The following MRE11 variants were observed in gnomAD, a reference collection of about 807,000 sequenced individuals.
MRE11 encodes the protein MRE11 double strand break repair nuclease, also known as double-strand break repair protein MRE11.
In MRE11, 62 loss-of-function variants were observed where a neutral mutation model predicts 91.7. The ratio of observed to expected loss-of-function variants is 0.68; its 90% CI spans 0.55 to 0.84. The LOEUF (loss-of-function observed/expected upper bound fraction) is 0.84, where lower values mean the gene tolerates loss of function less well. Among genes scored for constraint, MRE11 ranks in the 40% least tolerant of loss-of-function variants. The pLI is 0.00. For missense variants in MRE11, 796 were observed against 852.9 expected (o/e 0.93, Z 0.83); for synonymous variants, 273 against 271.4 (o/e 1.01, Z -0.06).
intron 12 of MRE11, among the ~76,000 whole-genome samples, chr11:94,459,948 G>C (rs1946372320): frequency 6.6e-6 from 1 of 152,308 alleles, no homozygotes; most frequent in African/African-American, 2.4e-5. Flanking sequence ...CTAATCAGCT[G>C]TCTGTAAAAT....
intron 3 of MRE11, among the ~76,000 whole-genome samples, chr11:94,487,353 C>A (rs74611001): frequency 0.015 from 2,242 of 152,310 alleles, 29 homozygotes; most frequent in South Asian, 0.023. Flanking sequence ...GAACACGACT[C>A]ACTTCTGTGG....
chr11:94,490,977 A>G lies in MRE11; in HGVS notation c.21-12T>C. The G allele has an allele frequency of 7.5e-7, 1 of 1,340,642 alleles. No homozygotes were observed. Among genetic ancestry groups the G allele is most frequent in the Non-Finnish European group, 1.1e-6 (1 of 943,000 alleles). The allele number at this position is 1,340,642 out of a possible 1,614,324, so 83.0% of individuals were successfully genotyped here. A position where few individuals can be genotyped will look rare whatever the true frequency, so the allele number is the denominator to read the frequency against. On this transcript the variant is annotated splice_polypyrimidine_tract_variant and intron_variant, in intron 2 of 19. Coordinates refer to ENST00000323929, the MANE Select transcript of MRE11 (RefSeq NM_005591.4). Reference sequence around the variant, plus strand: ...TGTTTTCATCATCACTATATTAAGAAAGAAGAAACATTTCAATATATTAAT... The same window carrying G: ...TGTTTTCATCATCACTATATTAAGAGAGAAGAAACATTTCAATATATTAAT...
At chr11:94,455,954 G>A (rs1946238324) in intron 14 of MRE11, among the ~76,000 whole-genome samples, 1 of 152,048 alleles carries the variant, frequency 6.6e-6, no homozygotes, top group Non-Finnish European at 1.5e-5. Flanking sequence ...GAGTGTGGTG[G>A]TGCAGCCATA....
intron 2 of MRE11, among the ~76,000 whole-genome samples, chr11:94,492,010 T>C (rs764777412): frequency 2.0e-5 from 3 of 152,228 alleles, no homozygotes; most frequent in Non-Finnish European, 4.4e-5. Flanking sequence ...ATTATTCCAA[T>C]TATACCAATG....
chr11:94,466,520 T>C (rs1323030668), intron 10 of MRE11: 2 of 530,996 alleles, frequency 3.8e-6, no homozygotes, highest in African/African-American at 1.9e-5. Context: ...CACAAGTAAC[T>C]GCAGTTTTTG....
intron 7 of MRE11, 71 bp from the exon 8 acceptor site, chr11:94,471,830 T>C: frequency 2.5e-6 from 3 of 1,200,130 alleles, no homozygotes; most frequent in Non-Finnish European, 3.6e-6. Flanking sequence ...TCTATACAGA[T>C]CTTTCTTTCT....
chr11:94,491,013 A>G (rs1201361565), intron 2 of MRE11, 48 bp from the exon 3 acceptor site: 1 of 1,113,546 alleles, frequency 9.0e-7, no homozygotes, highest in African/African-American at 1.6e-5. Flanking sequence ...AATTCATTAA[A>G]GGATATTCAA....
intron 19 of MRE11, among the ~76,000 whole-genome samples, chr11:94,427,677 G>A (rs1443879684): frequency 6.6e-6 from 1 of 151,342 alleles, no homozygotes; most frequent in African/African-American, 2.4e-5. Context: ...ACTGATAAAC[G>A]ACTTCAGCAA....
At chr11:94,473,611 C>T (rs761395622) in intron 7 of MRE11, 1 of 151,968 alleles carries the variant, frequency 6.6e-6, no homozygotes, top group Non-Finnish European at 1.5e-5. Context: ...CACAGGGTGA[C>T]AAATGAATCT....
intron 10 of MRE11, 64 bp downstream of exon 10, chr11:94,467,749 T>C (rs1946602496): frequency 1.4e-6 from 2 of 1,393,398 alleles, no homozygotes; most frequent in South Asian, 2.4e-5. Context: ...AAAGAAACCA[T>C]GTAAACTGTA....
chr11:94,491,009 T>A (rs773004031), intron 2 of MRE11, 44 bp from the exon 3 acceptor site: 5 of 1,121,450 alleles, frequency 4.5e-6, no homozygotes, highest in Non-Finnish European at 2.6e-6. Flanking sequence ...TAATAATTCA[T>A]TAAAGGATAT....
At chr11:94,449,555 C>T (rs1158005682) in intron 14 of MRE11, among the ~76,000 whole-genome samples, 3 of 152,228 alleles carry the variant, frequency 2.0e-5, no homozygotes, top group Non-Finnish European at 4.4e-5. Flanking sequence ...ATGAGCCACT[C>T]TGCCTTCTTG....
intron 10 of MRE11, among the ~76,000 whole-genome samples, chr11:94,465,608 C>A (rs1946541923): frequency 6.6e-6 from 1 of 151,994 alleles, no homozygotes; most frequent in African/African-American, 2.4e-5. Flanking sequence ...GTTGCCCAGG[C>A]TGGTCTCGAA....
chr11:94,461,523 G>A (rs1166270530), intron 11 of MRE11, among the ~76,000 whole-genome samples: 1 of 152,194 alleles, frequency 6.6e-6, no homozygotes, highest in Non-Finnish European at 1.5e-5. Flanking sequence ...CATACTGAAT[G>A]GACAAAAACT....
chr11:94,493,392 G>A (rs1461025123), intron 1 of MRE11, among the ~76,000 whole-genome samples: 3 of 152,152 alleles, frequency 2.0e-5, no homozygotes, highest in Non-Finnish European at 4.4e-5. Context: ...AAACAAACAC[G>A]TGGTCTGCGG....
chr11:94,418,381 A>ATT lies in MRE11; in HGVS notation c.*1742_*1743dup, dbSNP rs200848216. 2.9e-3 allele frequency: 627 copies of ATT among 214,608 alleles called. No homozygotes were observed. The highest frequency in any genetic ancestry group is 4.5e-3 in the Non-Finnish European group (484 of 108,468). The allele number at this position is 214,608 out of a possible 1,614,324, so 13.3% of individuals were successfully genotyped here. A position where few individuals can be genotyped will look rare whatever the true frequency, so the allele number is the denominator to read the frequency against. ...GTACCTCTTTTCACAGCCAAGAGCA[A>ATT]TTTTTTTTTTTTTAAGGAAAAAAAC... On this transcript the variant is annotated 3_prime_UTR_variant, in exon 20 of 20. Coordinates refer to ENST00000323929, the MANE Select transcript of MRE11 (RefSeq NM_005591.4).
At chr11:94,474,363 C>T (rs1174661447) in intron 7 of MRE11, among the ~76,000 whole-genome samples, 1 of 151,958 alleles carries the variant, frequency 6.6e-6, no homozygotes, top group Admixed American at 6.6e-5. Context: ...AAAGAGAATG[C>T]AATGGTCAAA....
Position 94,486,053 on chromosome 11 carries a change from A to G in MRE11, c.185T>C (p.Phe62Ser). The G allele has an allele frequency of 2.5e-6, 4 of 1,613,892 alleles. No homozygotes were observed. The highest frequency in any genetic ancestry group is 3.4e-6 in the Non-Finnish European group (4 of 1,179,898). ...TTTCCTTGAGGGCTTATTTTCATGA[A>G]AAAGATCACCACCTAACAAAATAAA... is the stretch of plus-strand genomic sequence containing the variant. ...VDFILLGGDL[F>S]HENKPSRKTL... Residue 62 changes from phenylalanine to serine, a missense_variant, in exon 4 of 20, where the codon TTT becomes TCT. Physicochemically the swap from Phe to Ser is radical, Grantham distance 155. Coordinates refer to ENST00000323929, the MANE Select transcript of MRE11 (RefSeq NM_005591.4).
chr11:94,475,914 A>G (rs1300204950), intron 7 of MRE11, among the ~76,000 whole-genome samples: 1 of 152,234 alleles, frequency 6.6e-6, no homozygotes, highest in East Asian at 1.9e-4. Flanking sequence ...ATGTGATTAA[A>G]CAGCAAAGAA....
Sources: gnomAD v4.1 joint callset for allele counts (sites outside exome capture counted in the v4.1 genomes callset) on GRCh38, gnomAD v4.1.1 for gene constraint, MANE v1.5 for transcripts, NCBI Gene and HGNC (gene_info 2026-07-23, HGNC 2026-07-21) for gene names.